The following FNDC1 variants were observed in gnomAD, a reference collection of about 807,000 sequenced individuals.
FNDC1 encodes the protein fibronectin type III domain-containing protein 1.
In FNDC1, 96 loss-of-function variants were observed where a neutral mutation model predicts 168.0. The observed-to-expected ratio is 0.57, with a 90% confidence interval of 0.48 to 0.68. The LOEUF (loss-of-function observed/expected upper bound fraction) is 0.68. Among genes scored for constraint, FNDC1 ranks in the 30% least tolerant of loss-of-function variants. The pLI, the probability that FNDC1 is intolerant of heterozygous loss-of-function variation, is 0.00. For missense variants in FNDC1, 2,587 were observed against 2,482.1 expected (o/e 1.04, Z -0.90); for synonymous variants, 1,099 against 1,025.9 (o/e 1.07, Z -1.36).
chr6:159,271,630 T>A lies in FNDC1; in HGVS notation c.*188T>A, dbSNP rs1029602866. On this transcript the variant is annotated 3_prime_UTR_variant, in exon 23 of 23. Coordinates refer to ENST00000297267, the MANE Select transcript of FNDC1 (RefSeq NM_032532.3). ...CAGTCCCACTTCTTGGCCTGGACAA[T>A]GAACAGGATTCAGTTTTGCTGTTAA... 2 of 535,400 alleles carry A rather than the reference T, an allele frequency of 3.7e-6. No homozygotes were observed. The highest frequency in any genetic ancestry group is 6.8e-6 in the Non-Finnish European group (2 of 293,948). The allele number at this position is 535,400 out of a possible 1,614,324, so 33.2% of individuals were successfully genotyped here. A position where few individuals can be genotyped will look rare whatever the true frequency, so the allele number is the denominator to read the frequency against.
intron 19 of FNDC1, among the ~76,000 whole-genome samples, chr6:159,262,801 C>A (rs567195392): frequency 6.6e-6 from 1 of 152,184 alleles, no homozygotes; most frequent in Admixed American, 6.5e-5. Context: ...AGGCCCCACC[C>A]TACCCTCTGA....
intron 1 of FNDC1, among the ~76,000 whole-genome samples, chr6:159,195,657 T>C (rs1782228185): frequency 1.3e-5 from 2 of 152,120 alleles, no homozygotes; most frequent in South Asian, 4.1e-4. Flanking sequence ...AAATGCAAGG[T>C]ATCGCAGAGA....
intron 5 of FNDC1, among the ~76,000 whole-genome samples, chr6:159,219,539 T>C (rs963595996): frequency 1.3e-5 from 2 of 152,182 alleles, no homozygotes; most frequent in African/African-American, 2.4e-5. Flanking sequence ...CCCGCTTCCT[T>C]GTCTGTGAAG....
chr6:159,260,878 C>A (rs958573713), intron 18 of FNDC1, among the ~76,000 whole-genome samples: 1 of 152,186 alleles, frequency 6.6e-6, no homozygotes, highest in Non-Finnish European at 1.5e-5. Flanking sequence ...TGAGCTCAGG[C>A]GAGTCTGCGC....
At chr6:159,205,491 C>G (rs1256656046) in intron 4 of FNDC1, among the ~76,000 whole-genome samples, 5 of 152,196 alleles carry the variant, frequency 3.3e-5, no homozygotes, top group Non-Finnish European at 7.3e-5. Flanking sequence ...AAACCATAAT[C>G]TCGACACTGT....
At chr6:159,205,900 A>G (rs184656370) in intron 4 of FNDC1, among the ~76,000 whole-genome samples, 1 of 152,372 alleles carries the variant, frequency 6.6e-6, no homozygotes, top group African/African-American at 2.4e-5. Flanking sequence ...TAATTTCTGC[A>G]TTTTGAGAAT....
intron 4 of FNDC1, among the ~76,000 whole-genome samples, chr6:159,208,533 G>A (rs1016159663): frequency 2.0e-5 from 3 of 152,174 alleles, no homozygotes; most frequent in African/African-American, 7.2e-5. Flanking sequence ...TGCAGTGGAT[G>A]ACCACCGTCT....
In FNDC1 at chr6:159,232,249, C is replaced by T. The variant is rs1477141480; in HGVS notation, c.1737C>T (p.Pro579=). The stretch of plus-strand genomic sequence containing the variant: ...GACACGGCCACTCGGTGGTTGCTCC[C>T]GGCAGGACTGCAGTGAGGGCCCGGA... ...PSRHGHSVVA[P]GRTAVRARMP... is the part of the protein sequence containing the mutation. The change falls in exon 11 of 23, where the codon CCC becomes CCT. Residue 579 remains proline (P), a synonymous_variant. Transcript: ENST00000297267. The surrounding 1 kb of genome is among the most constrained non-coding windows in gnomAD (Gnocchi z 4.9). The T allele has an allele frequency of 6.2e-7, 1 of 1,611,104 alleles. No homozygotes were observed. Among genetic ancestry groups the T allele is most frequent in the Non-Finnish European group, 8.5e-7 (1 of 1,178,756 alleles).
At chr6:159,249,253 A>C in intron 16 of FNDC1, 71 bp downstream of exon 16, 2 of 1,451,540 alleles carry the variant, frequency 1.4e-6, no homozygotes, top group Non-Finnish European at 1.9e-6. Flanking sequence ...AACATTACTA[A>C]TCTTTTGGCC....
chr6:159,188,301 G>T (rs1362628825), intron 1 of FNDC1, among the ~76,000 whole-genome samples: 1 of 152,080 alleles, frequency 6.6e-6, no homozygotes, highest in Non-Finnish European at 1.5e-5. Context: ...CTGCAGGCTG[G>T]GTGGGCTGCT....
chr6:159,232,392 A>C lies in FNDC1; in HGVS notation c.1880A>C (p.Gln627Pro), dbSNP rs748716930. ...TCTCCTGCCCACCACGCGTCCACCC[A>C]GGGCACCTCTCATCGTCCTTCCCTG... ...SASPAHHAST[Q>P]GTSHRPSLPA... The change falls in exon 11 of 23, where the codon CAG (glutamine) becomes CCG (proline). Residue 627 changes from glutamine (Q) to proline (P), a missense_variant. Gln to Pro is a moderately conservative substitution (Grantham distance 76, BLOSUM62 -1). Coordinates refer to ENST00000297267, the MANE Select transcript of FNDC1 (RefSeq NM_032532.3). This position sits in a 1 kb window ranked among gnomAD's most constrained non-coding sequence, Gnocchi z 4.9. The C allele has an allele frequency of 1.2e-6, 2 of 1,612,930 alleles. No homozygotes were observed. The highest frequency in any genetic ancestry group is 3.3e-5 in the Admixed American group (2 of 59,938).
At chr6:159,250,003 C>T (rs374759369) in intron 16 of FNDC1, among the ~76,000 whole-genome samples, 5 of 152,332 alleles carry the variant, frequency 3.3e-5, no homozygotes, top group South Asian at 2.1e-4. Flanking sequence ...GACACTAACA[C>T]GGGTCTCTGG....
In FNDC1 at chr6:159,232,272, G is replaced by T. The variant is rs377763048; in HGVS notation, c.1760G>T (p.Arg587Leu). The T allele has an allele frequency of 1.2e-6, 2 of 1,610,418 alleles. No individual in the cohort carries two copies. The highest frequency in any genetic ancestry group is 1.3e-5 in the African/African-American group (1 of 74,830). The change falls in exon 11 of 23, where the codon CGG (arginine) becomes CTG (leucine). Residue 587 changes from arginine (R) to leucine (L), a missense_variant. By Grantham distance (102) the Arg-to-Leu change is moderately radical. Transcript: ENST00000297267. This position sits in a 1 kb window ranked among gnomAD's most constrained non-coding sequence, Gnocchi z 4.9. ...VAPGRTAVRA[R>L]MPALPRREGV... ...CCCGGCAGGACTGCAGTGAGGGCCC[G>T]GATGCCAGCGCTGCCCCGAAGGGAA...
In FNDC1 at chr6:159,183,857, A is replaced by T. The variant is rs1488019201; in HGVS notation, c.110-13574A>T. Among the ~76,000 whole-genome samples, 5 of 152,370 alleles carry T rather than the reference A, an allele frequency of 3.3e-5. No individual in the cohort carries two copies. The East Asian group carries it at 9.6e-4, about 29-fold the overall frequency. On this transcript the variant is annotated intron_variant, in intron 1 of 22. Transcript: ENST00000297267. ...GGCAGCATGAAATCTTGCGTTCACA[A>T]GATCCATTCAGGGCACGAGCTCATG... is the stretch of plus-strand genomic sequence containing the variant.
At chr6:159,185,067 T>TGG (rs61164680) in intron 1 of FNDC1, among the ~76,000 whole-genome samples, 2,256 of 66,876 alleles carry the variant, frequency 0.034, 33 homozygotes, top group Middle Eastern at 0.068. Context: ...ATATGGAGGG[T>TGG]GGGGGGGGGG....
chr6:159,246,618 G>T (rs1286827719), intron 14 of FNDC1, among the ~76,000 whole-genome samples: 1 of 152,192 alleles, frequency 6.6e-6, no homozygotes, highest in East Asian at 1.9e-4. Context: ...GTGAGAGAGA[G>T]CTTGGTGGTG....
intron 21 of FNDC1, 71 bp downstream of exon 21, chr6:159,266,316 C>CTGTGGTG: frequency 6.6e-7 from 1 of 1,512,452 alleles, no homozygotes; most frequent in Non-Finnish European, 9.2e-7. Flanking sequence ...AACTTGGCAC[C>CTGTGGTG]ACAGGTGCAT....
chr6:159,218,920 C>T (rs929604607), intron 5 of FNDC1, among the ~76,000 whole-genome samples: 13 of 152,040 alleles, frequency 8.6e-5, no homozygotes, highest in African/African-American at 2.4e-4. Context: ...TGGGGGAGGA[C>T]ATTTGTGCCA....
In FNDC1 at chr6:159,197,639, T is replaced by C; in HGVS notation, c.304+14T>C. On this transcript the variant is annotated intron_variant, in intron 2 of 22. Transcript: ENST00000297267. Reference sequence around the variant, plus strand: ...TTGAGGATGTGGGTAAGTGACACTCTGATCTTGTTCCCAGTCAGAATTAAC... The same window carrying C: ...TTGAGGATGTGGGTAAGTGACACTCCGATCTTGTTCCCAGTCAGAATTAAC... The C allele has an allele frequency of 6.3e-7, 1 of 1,599,064 alleles. No individual in the cohort carries two copies. The highest frequency in any genetic ancestry group is 8.5e-7 in the Non-Finnish European group (1 of 1,171,320).
Sources: gnomAD v4.1 joint callset for allele counts (sites outside exome capture counted in the v4.1 genomes callset) on GRCh38, gnomAD v4.1.1 for gene constraint, Gnocchi (gnomAD v3.1) non-coding constraint, MANE v1.5 for transcripts, NCBI Gene and HGNC (gene_info 2026-07-23, HGNC 2026-07-21) for gene names.